EIF4G3: variants seen among roughly 807,000 people sequenced by gnomAD.
EIF4G3 encodes eIF-4-gamma 3.
EIF4G3 carries 34 observed loss-of-function variants against 186.4 expected under a neutral mutation model. The ratio of observed to expected loss-of-function variants is 0.18; its 90% CI spans 0.14 to 0.24. EIF4G3 has a LOEUF of 0.24. Among genes scored for constraint, EIF4G3 ranks in the 10% least tolerant of loss-of-function variants. The probability of loss-of-function intolerance (pLI) is 1.00; values close to 1 mark genes in which losing one functional copy is unlikely to be tolerated. For missense variants in EIF4G3, 1,536 were observed against 1,948.5 expected (o/e 0.79, Z 3.99); for synonymous variants, 673 against 679.5 (o/e 0.99, Z 0.15).
chr1:20,932,843 CT>C (rs764139146), intron 14 of EIF4G3, among the ~76,000 whole-genome samples: 12 of 152,070 alleles, frequency 7.9e-5, no homozygotes, highest in Admixed American at 1.3e-4. Context: ...TGAGCACATG[CT>C]GTTGGAAAAT....
intron 10 of EIF4G3, among the ~76,000 whole-genome samples, chr1:20,978,226 C>G (rs1366618932): frequency 6.6e-6 from 1 of 152,022 alleles, no homozygotes; most frequent in Non-Finnish European, 1.5e-5. Context: ...AAAGGTAAGT[C>G]CAAGGATTAC....
rs768831847 is a variant in EIF4G3, at chr1:20,864,606, T to C, written c.2876A>G (p.Lys959Arg). Residue 959 changes from lysine (K) to arginine (R), a missense_variant, in exon 22 of 37, where the codon AAA becomes AGA. This residue lies in a region of EIF4G3 where 77 missense variants were observed against 131.6 expected (regional missense o/e 0.59). Coordinates refer to ENST00000602326, the MANE Select transcript of EIF4G3 (RefSeq NM_001391906.1). ...ATGCATGATGGCTTCAGTCAGCATT[T>C]TGAGTTTAAAGAGTTCTCCAATAAA... ...IKFIGELFKL[K>R]MLTEAIMHDC... 15 of 1,614,184 alleles carry C rather than the reference T, an allele frequency of 9.3e-6. No homozygotes were observed. Among genetic ancestry groups the C allele is most frequent in the East Asian group, 2.2e-5 (1 of 44,880 alleles).
At chr1:20,924,636 G>T (rs2154560354) in intron 14 of EIF4G3, among the ~76,000 whole-genome samples, 2 of 152,304 alleles carry the variant, frequency 1.3e-5, no homozygotes, top group South Asian at 4.1e-4. Context: ...CACGATGTCG[G>T]CTTACTGCCA....
At chr1:21,164,162 G>A (rs1431554984) in intron 2 of EIF4G3, among the ~76,000 whole-genome samples, 1 of 152,014 alleles carries the variant, frequency 6.6e-6, no homozygotes, top group Non-Finnish European at 1.5e-5. Flanking sequence ...TAACCTGACA[G>A]AACTAACACT....
chr1:20,947,454 A>T lies in EIF4G3; in HGVS notation c.823+2549T>A, dbSNP rs1237117349. 2.0e-5 allele frequency among the ~76,000 whole-genome samples: 3 copies of T among 152,094 alleles called. No individual in the cohort carries two copies. The East Asian group carries it at 5.8e-4, about 29-fold the overall frequency. On this transcript the variant is annotated intron_variant, in intron 13 of 36. Transcript: ENST00000602326. The stretch of plus-strand genomic sequence containing the variant: ...ATTACATAAATTTGGTTAAAAAAAA[A>T]AAACTCTGAAAACAGTAATATTTTA...
At chr1:21,083,052 A>C (rs1252087072) in intron 3 of EIF4G3, among the ~76,000 whole-genome samples, 1 of 25,910 alleles carries the variant, frequency 3.9e-5, no homozygotes, top group Non-Finnish European at 2.9e-4. Context: ...AAAAAAAAAA[A>C]AAAAAAAAAA....
chr1:21,166,571 C>G (rs1021720212), intron 2 of EIF4G3, among the ~76,000 whole-genome samples: 2 of 151,964 alleles, frequency 1.3e-5, no homozygotes, highest in African/African-American at 4.8e-5. Context: ...ACTAAAAATA[C>G]AAAAATTGCC....
intron 33 of EIF4G3, among the ~76,000 whole-genome samples, chr1:20,822,215 T>C (rs923826287): frequency 1.3e-5 from 2 of 152,196 alleles, no homozygotes; most frequent in African/African-American, 4.8e-5. Context: ...TAAAATTTCC[T>C]CACCCACTTT....
In EIF4G3 at chr1:21,142,336, C is replaced by CA. The variant is rs1213770994; in HGVS notation, c.-272+33838dup. Among the ~76,000 whole-genome samples, 275 of 131,922 alleles carry CA rather than the reference C, an allele frequency of 2.1e-3. 1 individual carries two copies. The highest frequency in any genetic ancestry group is 3.9e-3 in the East Asian group (18 of 4,594). The allele number at this position is 131,922 out of a possible 152,430, so 86.5% of individuals were successfully genotyped here. ...GCAACATGATGAAACCCCCACTCTA[C>CA]AAAAAAAAAAAATACAAAAATTAGC... On this transcript the variant is annotated intron_variant, in intron 2 of 36. Transcript: ENST00000602326.
At chr1:21,119,072 T>C (rs953255007) in intron 2 of EIF4G3, among the ~76,000 whole-genome samples, 2 of 152,202 alleles carry the variant, frequency 1.3e-5, no homozygotes, top group African/African-American at 4.8e-5. Context: ...AGTATGTATA[T>C]GGCTGACTTT....
chr1:20,932,509 G>A (rs2095356765), intron 14 of EIF4G3, among the ~76,000 whole-genome samples: 1 of 151,944 alleles, frequency 6.6e-6, no homozygotes, highest in African/African-American at 2.4e-5. Context: ...AATTTCAAGC[G>A]GGAGACGTAT....
At chr1:20,970,814 A>C in intron 11 of EIF4G3, among the ~76,000 whole-genome samples, 1 of 151,774 alleles carries the variant, frequency 6.6e-6, no homozygotes. Context: ...AAATACAAAA[A>C]TTAGCTGGGT....
chr1:21,019,622 T>C (rs892215074), intron 4 of EIF4G3, among the ~76,000 whole-genome samples: 2 of 152,226 alleles, frequency 1.3e-5, no homozygotes, highest in Non-Finnish European at 2.9e-5. Flanking sequence ...CAAGAGAAGT[T>C]ATTTAAAAAC....
chr1:20,902,839 T>C (rs938586119), intron 15 of EIF4G3, among the ~76,000 whole-genome samples: 4 of 151,940 alleles, frequency 2.6e-5, no homozygotes, highest in Non-Finnish European at 5.9e-5. Context: ...TGGGGTTTCG[T>C]CATGTTGGCC....
At chr1:20,995,613 C>T (rs919881854) in intron 7 of EIF4G3, among the ~76,000 whole-genome samples, 1 of 152,106 alleles carries the variant, frequency 6.6e-6, no homozygotes, top group African/African-American at 2.4e-5. Context: ...CTCAAGTGAT[C>T]CACCCACCTC....
chr1:21,108,902 CAAAAAA>C (rs767728797), intron 2 of EIF4G3, among the ~76,000 whole-genome samples: 1 of 33,216 alleles, frequency 3.0e-5, no homozygotes, highest in Non-Finnish European at 6.6e-5. Flanking sequence ...GACTCCATCT[CAAAAAA>C]AAAAAAAAAA....
At chr1:21,035,666 G>C (rs1317862229) in intron 4 of EIF4G3, among the ~76,000 whole-genome samples, 1 of 152,278 alleles carries the variant, frequency 6.6e-6, no homozygotes, top group Admixed American at 6.5e-5. Flanking sequence ...GGCCAAGATA[G>C]GGCAGGGGGG....
intron 3 of EIF4G3, among the ~76,000 whole-genome samples, chr1:21,072,486 T>C (rs2095472516): frequency 6.6e-6 from 1 of 152,142 alleles, no homozygotes; most frequent in Admixed American, 6.5e-5. Context: ...TCACTGCAAG[T>C]GCTGCCTCCC....
intron 14 of EIF4G3, among the ~76,000 whole-genome samples, chr1:20,920,514 T>C (rs746921307): frequency 3.9e-5 from 6 of 152,166 alleles, no homozygotes; most frequent in Non-Finnish European, 7.3e-5. Flanking sequence ...TTAGGCTTGT[T>C]CTCTGCTTTT....
Sources: gnomAD v4.1 joint callset for allele counts (sites outside exome capture counted in the v4.1 genomes callset) on GRCh38, gnomAD v4.1.1 for gene constraint, gnomAD v4.1.1 regional missense constraint, MANE v1.5 for transcripts, NCBI Gene and HGNC (gene_info 2026-07-23, HGNC 2026-07-21) for gene names.